The following NRG1 variants were observed in gnomAD, a reference collection of about 807,000 sequenced individuals.
The protein encoded by NRG1 is pro-neuregulin-1, membrane-bound isoform.
In NRG1, 18 loss-of-function variants were observed where a neutral mutation model predicts 63.8. That is an observed-to-expected ratio of 0.28 (90% CI 0.19 to 0.42). NRG1 has a LOEUF of 0.42. Ranked by LOEUF, NRG1 falls within the 10% of genes least tolerant of loss-of-function variation. The pLI is 1.00. For missense variants in NRG1, 762 were observed against 814.7 expected (o/e 0.94, Z 0.79); for synonymous variants, 302 against 301.3 (o/e 1.00, Z -0.02).
At chr8:32,516,654 A>G (rs1230064065) in intron 1 of NRG1, among the ~76,000 whole-genome samples, 4 of 152,116 alleles carry the variant, frequency 2.6e-5, no homozygotes, top group Non-Finnish European at 4.4e-5. Context: ...CTCCTTGCTT[A>G]GATTTATTCC....
At chr8:32,009,151 A>C (rs1423963884) in intron 1 of NRG1, among the ~76,000 whole-genome samples, 2 of 152,034 alleles carry the variant, frequency 1.3e-5, no homozygotes, top group Non-Finnish European at 2.9e-5. Context: ...TTCTTGAGAA[A>C]TTTGTGTTGT....
chr8:32,015,080 T>C (rs114229611), intron 1 of NRG1, among the ~76,000 whole-genome samples: 137 of 152,230 alleles, frequency 9.0e-4, no homozygotes, highest in African/African-American at 3.2e-3. Context: ...GGATGATAAA[T>C]TTCTGTTGTT....
chr8:32,658,573 CT>C (rs1468497333), intron 5 of NRG1, among the ~76,000 whole-genome samples: 1 of 151,962 alleles, frequency 6.6e-6, no homozygotes, highest in African/African-American at 2.4e-5. Flanking sequence ...CATTACAGAG[CT>C]TTAAGCCACC....
chr8:32,139,618 T>C (rs1323977140), intron 1 of NRG1: 1 of 152,172 alleles, frequency 6.6e-6, no homozygotes, highest in African/African-American at 2.4e-5. Flanking sequence ...ATTTGCTTTT[T>C]AAGAAGTATA....
intron 1 of NRG1, among the ~76,000 whole-genome samples, chr8:32,223,135 T>G (rs1359535886): frequency 6.6e-6 from 1 of 152,310 alleles, no homozygotes; most frequent in Non-Finnish European, 1.5e-5. Flanking sequence ...CAAGAATAAC[T>G]AGAAAACACG....
At chr8:31,938,204 GC>G (rs1467957567) in intron 1 of NRG1, among the ~76,000 whole-genome samples, 1 of 152,180 alleles carries the variant, frequency 6.6e-6, no homozygotes, top group East Asian at 1.9e-4. Flanking sequence ...ATGCACAGCT[GC>G]AAGACCTGAA....
chr8:32,191,683 A>T (rs1842510838), intron 1 of NRG1, among the ~76,000 whole-genome samples: 1 of 152,202 alleles, frequency 6.6e-6, no homozygotes, highest in Non-Finnish European at 1.5e-5. Context: ...ACTGGACAGG[A>T]AATGGGGATG....
intron 1 of NRG1, among the ~76,000 whole-genome samples, chr8:32,298,934 G>GGA (rs1432914817): frequency 6.7e-6 from 1 of 148,528 alleles, no homozygotes; most frequent in African/African-American, 2.5e-5. Context: ...GGCTGAGGCA[G>GGA]GAGAATTGCT....
In NRG1 at chr8:32,424,951, C is replaced by T. The variant is rs574159227; in HGVS notation, c.38-170877C>T. On this transcript the variant is annotated intron_variant, in intron 1 of 10. Transcript: ENST00000519301. ...AGTTCATATATTTGAGTCTTTGTTT[C>T]CTCATCTAGAAGATGTAGTAAAGAT... Among the ~76,000 whole-genome samples, 27 of 152,224 alleles carry T rather than the reference C, an allele frequency of 1.8e-4. No homozygotes were observed. The South Asian group carries it at 5.4e-3, about 30-fold the overall frequency.
chr8:32,122,879 G>T (rs1833647239), intron 1 of NRG1, among the ~76,000 whole-genome samples: 1 of 151,652 alleles, frequency 6.6e-6, no homozygotes, highest in South Asian at 2.1e-4. Context: ...ACGGTGTTTG[G>T]TTTTTTGTCT....
At chr8:32,345,416 A>G (rs1282891881) in intron 1 of NRG1, among the ~76,000 whole-genome samples, 1 of 152,136 alleles carries the variant, frequency 6.6e-6, no homozygotes, top group African/African-American at 2.4e-5. Context: ...CCTCTGTTTC[A>G]GTGGTTTCAA....
At chr8:32,386,500 G>C (rs1169214526) in intron 1 of NRG1, among the ~76,000 whole-genome samples, 1 of 152,110 alleles carries the variant, frequency 6.6e-6, no homozygotes, top group Non-Finnish European at 1.5e-5. Context: ...TCTTGTTTCA[G>C]TGCTTTTATA....
intron 1 of NRG1, among the ~76,000 whole-genome samples, chr8:32,008,770 G>C (rs985720708): frequency 1.3e-5 from 2 of 152,050 alleles, no homozygotes; most frequent in South Asian, 2.1e-4. Context: ...GCGTAAGCCT[G>C]ATGAAATGTC....
At chr8:32,364,433 A>G (rs934783550) in intron 1 of NRG1, among the ~76,000 whole-genome samples, 1 of 152,138 alleles carries the variant, frequency 6.6e-6, no homozygotes, top group African/African-American at 2.4e-5. Flanking sequence ...ATACTTCTGC[A>G]TCCTGCCTTT....
intron 8 of NRG1, 111 bp downstream of exon 8, chr8:32,754,585 A>C: frequency 1.1e-6 from 1 of 939,472 alleles, no homozygotes; most frequent in South Asian, 1.5e-5. Flanking sequence ...ATAAAAAAAA[A>C]AGGAGGGGCA....
At position 32,499,935 on chromosome 8, in the gene NRG1, G is replaced by C. The variant is rs1827662905; in HGVS notation, c.38-95893G>C. ...AAGTCACAAGGGTGAGAGAAGACTG[G>C]AAACATTAATTACAAGATGGCAGGA... On this transcript the variant is annotated intron_variant, in intron 1 of 10. Coordinates refer to the NRG1 transcript ENST00000519301. 2.0e-5 allele frequency among the ~76,000 whole-genome samples: 3 copies of C among 152,122 alleles called. No homozygotes were observed. The South Asian group carries it at 6.2e-4, about 32-fold the overall frequency.
chr8:32,320,438 T>C (rs761461159), intron 1 of NRG1, among the ~76,000 whole-genome samples: 2 of 152,164 alleles, frequency 1.3e-5, no homozygotes, highest in Non-Finnish European at 2.9e-5. Flanking sequence ...TTTAATTGGC[T>C]CGTGGTTCTA....
At chr8:32,021,455 T>A (rs923159875) in intron 1 of NRG1, among the ~76,000 whole-genome samples, 2 of 151,914 alleles carry the variant, frequency 1.3e-5, no homozygotes, top group Non-Finnish European at 1.5e-5. Flanking sequence ...CTTGCGAGAG[T>A]GAGAACTTAC....
At chr8:32,503,857 C>A (rs1282727774) in intron 1 of NRG1, among the ~76,000 whole-genome samples, 1 of 152,040 alleles carries the variant, frequency 6.6e-6, no homozygotes, top group Non-Finnish European at 1.5e-5. Context: ...TCAGGTGCAC[C>A]GTTTGACCTT....
Sources: gnomAD v4.1 joint callset for allele counts (sites outside exome capture counted in the v4.1 genomes callset) on GRCh38, gnomAD v4.1.1 for gene constraint, MANE v1.5 for transcripts, NCBI Gene and HGNC (gene_info 2026-07-23, HGNC 2026-07-21) for gene names.